The following PCDH17 variants were observed in gnomAD, a reference collection of about 807,000 sequenced individuals.
PCDH17 encodes the protein protocadherin-17.
In PCDH17, 21 loss-of-function variants were observed where a neutral mutation model predicts 67.7. That is an observed-to-expected ratio of 0.31 (90% CI 0.22 to 0.45). PCDH17 has a LOEUF of 0.45. Ranked by LOEUF, PCDH17 falls within the 20% of genes least tolerant of loss-of-function variation. The probability of loss-of-function intolerance (pLI) is 1.00; values close to 1 mark genes in which losing one functional copy is unlikely to be tolerated. For synonymous variants in PCDH17, 701 were observed against 656.7 expected (o/e 1.07, Z -1.03); for missense variants, 1,471 against 1,564.8 (o/e 0.94, Z 1.01).
In PCDH17 at chr13:57,634,299, C is replaced by T. The variant is rs1352390998; in HGVS notation, c.1753C>T (p.Leu585Phe). ...DVNDNAPVIV[L>F]PTLQNDTAEL... ...GAATGACAACGCGCCAGTGATCGTG[C>T]TCCCCACGCTGCAGAACGACACCGC... The change falls in exon 1 of 4, where the codon CTC (leucine) becomes TTC (phenylalanine). Residue 585 changes from leucine to phenylalanine, a missense_variant. By Grantham distance (22) the Leu-to-Phe change is conservative. Around this residue, in one of 3 missense-constraint regions of PCDH17, gnomAD observed 1,163 missense variants for 1,230.0 expected, o/e 0.95. Coordinates refer to ENST00000377918, the MANE Select transcript of PCDH17 (RefSeq NM_001040429.3). The surrounding 1 kb of genome is among the most constrained non-coding windows in gnomAD (Gnocchi z 7.8). The T allele has an allele frequency of 6.2e-7, 1 of 1,613,102 alleles. No homozygotes were observed. The highest frequency in any genetic ancestry group is 8.5e-7 in the Non-Finnish European group (1 of 1,180,028).
At chr13:57,711,731 T>G (rs1270621174) in intron 3 of PCDH17, among the ~76,000 whole-genome samples, 1 of 151,634 alleles carries the variant, frequency 6.6e-6, no homozygotes, top group Non-Finnish European at 1.5e-5. Context: ...ATTATAAAAT[T>G]ACTATAACAT....
intron 3 of PCDH17, among the ~76,000 whole-genome samples, chr13:57,681,055 A>G (rs1424493093): frequency 6.6e-6 from 1 of 151,754 alleles, no homozygotes; most frequent in Non-Finnish European, 1.5e-5. Context: ...GTGCTTTTAA[A>G]CACATCTCTC....
At chr13:57,709,468 C>G (rs7988319) in intron 3 of PCDH17, among the ~76,000 whole-genome samples, 2 of 151,666 alleles carry the variant, frequency 1.3e-5, no homozygotes, top group African/African-American at 4.8e-5. Flanking sequence ...TTAAATACCC[C>G]CAGAAAAGTA....
Position 57,725,512 on chromosome 13 carries a change from G to A in PCDH17, c.*218G>A. On this transcript the variant is annotated 3_prime_UTR_variant, in exon 4 of 4. Coordinates refer to ENST00000377918, the MANE Select transcript of PCDH17 (RefSeq NM_001040429.3). The stretch of plus-strand genomic sequence containing the variant: ...TTCGTTTTGACCAAACTTGTATTAG[G>A]ACAGAATTAATGATGCTTAAAGAGA... 2.1e-6 allele frequency: 1 copy of A among 487,684 alleles called. No individual in the cohort carries two copies. Among genetic ancestry groups the A allele is most frequent in the Non-Finnish European group, 3.6e-6 (1 of 276,370 alleles). The allele number at this position is 487,684 out of a possible 1,614,324, so 30.2% of individuals were successfully genotyped here.
intron 1 of PCDH17, among the ~76,000 whole-genome samples, chr13:57,658,482 C>G (rs945550383): frequency 6.6e-6 from 1 of 152,146 alleles, no homozygotes; most frequent in Admixed American, 6.5e-5. Flanking sequence ...ATCCTATCAT[C>G]ACTCATCCCT....
chr13:57,680,100 T>C (rs1424110578), intron 3 of PCDH17, among the ~76,000 whole-genome samples: 1 of 151,172 alleles, frequency 6.6e-6, no homozygotes, highest in African/African-American at 2.4e-5. Context: ...AACTCTCTAT[T>C]GATCTATCTG....
intron 1 of PCDH17, among the ~76,000 whole-genome samples, chr13:57,662,933 T>C (rs1955201126): frequency 6.6e-6 from 1 of 152,238 alleles, no homozygotes; most frequent in East Asian, 1.9e-4. Flanking sequence ...TAATTTTTTA[T>C]TACCTTTAAC....
chr13:57,652,758 G>A (rs1955057563), intron 1 of PCDH17, among the ~76,000 whole-genome samples: 2 of 152,156 alleles, frequency 1.3e-5, no homozygotes. Flanking sequence ...TAGGAATACA[G>A]AACTAATGTC....
intron 3 of PCDH17, among the ~76,000 whole-genome samples, chr13:57,717,105 G>C (rs976974045): frequency 1.3e-5 from 2 of 151,842 alleles, no homozygotes; most frequent in Non-Finnish European, 2.9e-5. Flanking sequence ...AGTTCTCTTC[G>C]GGGTACCTGT....
At chr13:57,677,161 C>T (rs1955400671) in intron 3 of PCDH17, among the ~76,000 whole-genome samples, 1 of 151,790 alleles carries the variant, frequency 6.6e-6, no homozygotes, top group Non-Finnish European at 1.5e-5. Flanking sequence ...AACATTCCTG[C>T]TCACATAGAG....
At chr13:57,694,184 A>T (rs1319644377) in intron 3 of PCDH17, among the ~76,000 whole-genome samples, 12 of 151,224 alleles carry the variant, frequency 7.9e-5, no homozygotes, top group Non-Finnish European at 1.8e-4. Flanking sequence ...GTCCAAGTGT[A>T]TGGGTTTATG....
intron 3 of PCDH17, among the ~76,000 whole-genome samples, chr13:57,697,243 T>C (rs138687851): frequency 2.0e-5 from 3 of 151,812 alleles, no homozygotes; most frequent in East Asian, 1.9e-4. Flanking sequence ...GTAGTTCTTA[T>C]TTATTCATAA....
chr13:57,665,878 C>T (rs1015154899), intron 1 of PCDH17, among the ~76,000 whole-genome samples: 1 of 151,990 alleles, frequency 6.6e-6, no homozygotes, highest in African/African-American at 2.4e-5. Flanking sequence ...AAATCCATTC[C>T]GACTGGATTG....
chr13:57,712,161 C>T (rs1955782580), intron 3 of PCDH17, among the ~76,000 whole-genome samples: 3 of 151,596 alleles, frequency 2.0e-5, no homozygotes, highest in African/African-American at 7.3e-5. Context: ...TTTGTCAAAT[C>T]AAATAGTTTA....
At chr13:57,666,158 C>G (rs1955251054) in intron 1 of PCDH17, among the ~76,000 whole-genome samples, 1 of 152,164 alleles carries the variant, frequency 6.6e-6, no homozygotes, top group Non-Finnish European at 1.5e-5. Flanking sequence ...ACTCCTCCCA[C>G]AAATATTCAA....
intron 1 of PCDH17, among the ~76,000 whole-genome samples, 153 bp from the exon 2 acceptor site, chr13:57,666,313 CAT>C (rs1955252783): frequency 6.6e-6 from 1 of 152,104 alleles, no homozygotes; most frequent in South Asian, 2.1e-4. Context: ...TACATAATTA[CAT>C]GTCAGCAATT....
In PCDH17 at chr13:57,686,957, G is replaced by A. The variant is rs1044183567; in HGVS notation, c.2797+20124G>A. Among the ~76,000 whole-genome samples, 15 of 152,056 alleles carry A rather than the reference G, an allele frequency of 9.9e-5. No homozygotes were observed. In the South Asian group the frequency reaches 2.9e-3, roughly 29 times the overall value. On this transcript the variant is annotated intron_variant, in intron 3 of 3. Transcript: ENST00000377918. Reference sequence around the variant, plus strand: ...CTATTGTGTTTTATTTGAAATTCCAGCATTTTCTCTTAAGAACATAGTGAG... The same window carrying A: ...CTATTGTGTTTTATTTGAAATTCCAACATTTTCTCTTAAGAACATAGTGAG...
chr13:57,658,532 T>C (rs1172837411), intron 1 of PCDH17, among the ~76,000 whole-genome samples: 1 of 152,212 alleles, frequency 6.6e-6, no homozygotes, highest in Admixed American at 6.5e-5. Flanking sequence ...GTCTAGGTTA[T>C]ATTTTCCTGG....
chr13:57,640,849 T>G (rs988943770), intron 1 of PCDH17, among the ~76,000 whole-genome samples: 3 of 152,038 alleles, frequency 2.0e-5, no homozygotes, highest in African/African-American at 7.2e-5. Context: ...TGCTGAGAAG[T>G]CTTGCAATAC....
Sources: allele counts gnomAD v4.1 joint callset (sites outside exome capture counted in the v4.1 genomes callset), GRCh38; gene constraint gnomAD v4.1.1; regional missense constraint gnomAD v4.1.1; non-coding constraint Gnocchi (gnomAD v3.1); transcripts MANE v1.5; gene names NCBI Gene and HGNC (gene_info 2026-07-23, HGNC 2026-07-21).